ADGRB3: variants seen among roughly 807,000 people sequenced by gnomAD.
ADGRB3 encodes the protein adhesion G protein-coupled receptor B3, also known as brain-specific angiogenesis inhibitor 3.
A neutral mutation model predicts 193.4 loss-of-function variants in ADGRB3; 37 were observed. The ratio of observed to expected loss-of-function variants is 0.19; its 90% CI spans 0.15 to 0.25. The LOEUF is 0.25. ADGRB3 is among the 10% of genes least tolerant of loss of function. The probability of loss-of-function intolerance (pLI) is 1.00; values close to 1 mark genes in which losing one functional copy is unlikely to be tolerated. For missense variants in ADGRB3, 1,637 were observed against 1,852.9 expected (o/e 0.88, Z 2.14); for synonymous variants, 690 against 644.2 (o/e 1.07, Z -1.08).
chr6:68,861,018 A>G (rs1364554301), intron 3 of ADGRB3, among the ~76,000 whole-genome samples: 4 of 152,182 alleles, frequency 2.6e-5, no homozygotes, highest in Admixed American at 2.6e-4. Flanking sequence ...TCATCGATCT[A>G]TCTTGCACCA....
At chr6:68,856,929 A>G (rs1403303328) in intron 3 of ADGRB3, among the ~76,000 whole-genome samples, 1 of 152,122 alleles carries the variant, frequency 6.6e-6, no homozygotes, top group East Asian at 1.9e-4. Flanking sequence ...CAGACTTGGT[A>G]TCCTGCATTC....
chr6:68,845,533 G>C (rs777655974), intron 3 of ADGRB3, among the ~76,000 whole-genome samples: 18 of 152,140 alleles, frequency 1.2e-4, no homozygotes, highest in Non-Finnish European at 1.9e-4. Flanking sequence ...ATTCCCACGT[G>C]TTGTGGGAAG....
At chr6:69,242,344 A>G (rs1194517106) in intron 20 of ADGRB3, among the ~76,000 whole-genome samples, 1 of 151,796 alleles carries the variant, frequency 6.6e-6, no homozygotes, top group African/African-American at 2.4e-5. Context: ...TGTATCTTTG[A>G]CTTCCCTGAT....
chr6:68,901,265 C>G (rs1237024947), intron 3 of ADGRB3, among the ~76,000 whole-genome samples: 3 of 152,106 alleles, frequency 2.0e-5, no homozygotes, highest in Admixed American at 6.6e-5. Context: ...TGGGGTTCTA[C>G]TTCCAGGCAC....
intron 24 of ADGRB3, among the ~76,000 whole-genome samples, chr6:69,333,677 C>T (rs1229938606): frequency 4.0e-5 from 6 of 150,938 alleles, no homozygotes; most frequent in South Asian, 4.2e-4. Flanking sequence ...TGGCCGGGCA[C>T]GGTGGCTGAC....
At chr6:68,927,159 A>G (rs1286388538) in intron 3 of ADGRB3, among the ~76,000 whole-genome samples, 1 of 152,174 alleles carries the variant, frequency 6.6e-6, no homozygotes, top group Non-Finnish European at 1.5e-5. Flanking sequence ...ACCATGTACC[A>G]TGTGTACATA....
At chr6:68,644,262 A>G (rs1302444445) in intron 3 of ADGRB3, among the ~76,000 whole-genome samples, 2 of 152,174 alleles carry the variant, frequency 1.3e-5, no homozygotes, top group African/African-American at 4.8e-5. Context: ...TTAATGCATT[A>G]TTGATGTCAG....
intron 6 of ADGRB3, 143 bp from the exon 7 acceptor site, chr6:68,955,881 T>C: frequency 1.5e-6 from 1 of 682,594 alleles, no homozygotes; most frequent in Non-Finnish European, 2.3e-6. Context: ...TAATAAAATC[T>C]CATGCTGGTG....
Position 69,361,240 on chromosome 6 carries a change from A to G in ADGRB3, c.3967A>G (p.Lys1323Glu), listed in dbSNP as rs759603992. 6.2e-7 allele frequency: 1 copy of G among 1,612,844 alleles called. No homozygotes were observed. The highest frequency in any genetic ancestry group is 1.1e-5 in the South Asian group (1 of 91,062). The stretch of plus-strand genomic sequence containing the variant: ...TTCTGTAAATAACCAGCCTTCAATG[A>G]AAGAAGAAAGCAAAATGAATATTGG... Reference protein sequence around the residue: ...RSSVNNQPSMKEESKMNIGME... With the variant: ...RSSVNNQPSMEEESKMNIGME... The change falls in exon 29 of 32, where the codon AAA (lysine) becomes GAA (glutamate). Residue 1323 changes from lysine (K) to glutamate (E), a missense_variant. Lys to Glu is a moderately conservative substitution (Grantham distance 56, BLOSUM62 1). This residue lies in a region of ADGRB3 where 368 missense variants were observed against 367.4 expected (regional missense o/e 1.00). Transcript: ENST00000370598.
intron 3 of ADGRB3, among the ~76,000 whole-genome samples, chr6:68,800,767 A>T (rs1377603120): frequency 6.6e-6 from 1 of 152,146 alleles, no homozygotes; most frequent in Admixed American, 6.5e-5. Flanking sequence ...ACAAATTAGG[A>T]GTTAAGATGC....
At position 69,332,825 on chromosome 6, in the gene ADGRB3, C is replaced by T. The variant is rs187663669; in HGVS notation, c.3103-98C>T. ...GTGCTTCATACCACTACTAGTGATA[C>T]GGTGGTTATGAATTGATAAAAATAG... On this transcript the variant is annotated intron_variant, in intron 23 of 31. Transcript: ENST00000370598. 1.2e-4 allele frequency: 186 copies of T among 1,519,862 alleles called. No individual in the cohort carries two copies. In the East Asian group the frequency reaches 2.2e-3, roughly 18 times the overall value. 94.1% of individuals were successfully genotyped at this position (1,519,862 alleles called of 1,614,324 possible).
At chr6:68,974,629 C>A in intron 8 of ADGRB3, 134 bp from the exon 9 acceptor site, 1 of 628,032 alleles carries the variant, frequency 1.6e-6, no homozygotes, top group Non-Finnish European at 2.7e-6. Flanking sequence ...AGTGAGACCC[C>A]ATCTCTAAAA....
intron 17 of ADGRB3, among the ~76,000 whole-genome samples, chr6:69,078,743 C>G (rs1263895983): frequency 6.6e-6 from 1 of 151,908 alleles, no homozygotes; most frequent in East Asian, 1.9e-4. Flanking sequence ...TTTATATAAC[C>G]CCGTTTGATA....
intron 17 of ADGRB3, among the ~76,000 whole-genome samples, chr6:69,120,755 A>C (rs1251992266): frequency 6.6e-6 from 1 of 152,178 alleles, no homozygotes; most frequent in Non-Finnish European, 1.5e-5. Flanking sequence ...AGAAATAATA[A>C]TTACATGGAA....
chr6:68,832,652 A>G (rs1271934011), intron 3 of ADGRB3, among the ~76,000 whole-genome samples: 2 of 152,168 alleles, frequency 1.3e-5, no homozygotes, highest in Non-Finnish European at 2.9e-5. Flanking sequence ...GTATGATACT[A>G]GAAAGATCAA....
intron 3 of ADGRB3, among the ~76,000 whole-genome samples, chr6:68,857,255 G>T (rs1484930138): frequency 6.6e-6 from 1 of 152,194 alleles, no homozygotes; most frequent in Non-Finnish European, 1.5e-5. Context: ...TGTGAGAAGA[G>T]GGCCACTGTC....
At chr6:69,304,290 A>G (rs1334694475) in intron 20 of ADGRB3, among the ~76,000 whole-genome samples, 1 of 149,294 alleles carries the variant, frequency 6.7e-6, no homozygotes, top group African/African-American at 2.6e-5. Context: ...TTTGTTTCCT[A>G]CAGCCTTAGA....
chr6:68,920,891 G>A (rs1562086566), intron 3 of ADGRB3, among the ~76,000 whole-genome samples: 1 of 152,176 alleles, frequency 6.6e-6, no homozygotes, highest in Non-Finnish European at 1.5e-5. Context: ...GGAAGAAAGG[G>A]AAGTGATAGC....
At chr6:68,923,572 A>G (rs1189847307) in intron 3 of ADGRB3, among the ~76,000 whole-genome samples, 1 of 152,148 alleles carries the variant, frequency 6.6e-6, no homozygotes, top group Non-Finnish European at 1.5e-5. Context: ...ATAATGTACA[A>G]ATTATTTTAT....
Sources: allele counts gnomAD v4.1 joint callset (sites outside exome capture counted in the v4.1 genomes callset), GRCh38; gene constraint gnomAD v4.1.1; regional missense constraint gnomAD v4.1.1; transcripts MANE v1.5; gene names NCBI Gene and HGNC (gene_info 2026-07-23, HGNC 2026-07-21).